Variants in SHOC2 observed in about 807,000 individuals in gnomAD.
SHOC2 encodes leucine-rich repeat protein SHOC-2.
In SHOC2, 4 loss-of-function variants were observed where a neutral mutation model predicts 50.2. The observed-to-expected ratio is 0.08, with a 90% CI of 0.04 to 0.18. SHOC2 has a LOEUF of 0.18. SHOC2 is among the 10% of genes least tolerant of loss of function. SHOC2 has a pLI of 1.00. For synonymous variants in SHOC2, 218 were observed against 244.5 expected (o/e 0.89, Z 1.01); for missense variants, 388 against 669.6 (o/e 0.58, Z 4.64).
chr10:111,011,322 T>A (rs1848562035), intron 8 of SHOC2, among the ~76,000 whole-genome samples: 1 of 152,180 alleles, frequency 6.6e-6, no homozygotes, highest in South Asian at 2.1e-4. Flanking sequence ...GGGGCATATG[T>A]ATTTTCAAAA....
chr10:111,010,276 G>A (rs945224505), intron 8 of SHOC2, among the ~76,000 whole-genome samples: 2 of 152,092 alleles, frequency 1.3e-5, no homozygotes, highest in Non-Finnish European at 2.9e-5. Flanking sequence ...ATTATTTTAT[G>A]TAATATACAT....
At chr10:110,945,328 C>T (rs1040882370) in intron 1 of SHOC2, among the ~76,000 whole-genome samples, 5 of 152,210 alleles carry the variant, frequency 3.3e-5, no homozygotes, top group Admixed American at 3.3e-4. Context: ...AGCTACAACT[C>T]TTGCTGCTTT....
intron 2 of SHOC2, among the ~76,000 whole-genome samples, chr10:110,979,666 G>A (rs1847937705): frequency 6.6e-6 from 1 of 152,068 alleles, no homozygotes; most frequent in Non-Finnish European, 1.5e-5. Flanking sequence ...CTTTCTCTTA[G>A]GACAAAAATG....
At chr10:110,986,364 C>A (rs1848076045) in intron 3 of SHOC2, among the ~76,000 whole-genome samples, 1 of 151,862 alleles carries the variant, frequency 6.6e-6, no homozygotes, top group Non-Finnish European at 1.5e-5. Context: ...AATTCTGATG[C>A]CTTTTTAGTT....
chr10:110,987,526 C>T (rs1848102288), intron 3 of SHOC2, among the ~76,000 whole-genome samples: 1 of 152,040 alleles, frequency 6.6e-6, no homozygotes, highest in Admixed American at 6.6e-5. Context: ...TTAGATGTCC[C>T]TCTGAAAGGC....
chr10:110,929,708 C>T (rs982020794), intron 1 of SHOC2, among the ~76,000 whole-genome samples: 1 of 152,152 alleles, frequency 6.6e-6, no homozygotes, highest in Non-Finnish European at 1.5e-5. Context: ...GCATTAATCC[C>T]ATTATGAAAA....
At position 111,012,345 on chromosome 10, in the gene SHOC2, C is replaced by G. The variant is rs896700397; in HGVS notation, c.*527C>G. The G allele has an allele frequency of 6.4e-6, 1 of 157,144 alleles. No individual in the cohort carries two copies. Among genetic ancestry groups the G allele is most frequent in the African/African-American group, 2.4e-5 (1 of 41,266 alleles). The allele number at this position is 157,144 out of a possible 1,614,324, so 9.7% of individuals were successfully genotyped here. A position where few individuals can be genotyped will look rare whatever the true frequency, so the allele number is the denominator to read the frequency against. On this transcript the variant is annotated 3_prime_UTR_variant, in exon 9 of 9. Transcript: ENST00000369452. ...TTTCTTTTGTTTGTTTTGATTTGCT[C>G]TGTTTTATTCAGTCAAATCTAGAGT...
At chr10:110,928,115 G>A (rs1326083510) in intron 1 of SHOC2, among the ~76,000 whole-genome samples, 1 of 152,126 alleles carries the variant, frequency 6.6e-6, no homozygotes, top group Non-Finnish European at 1.5e-5. Flanking sequence ...TCAGGAGTTA[G>A]AGAACAGCCT....
At chr10:111,008,037 C>G (rs1350892461) in intron 6 of SHOC2, among the ~76,000 whole-genome samples, 1 of 150,742 alleles carries the variant, frequency 6.6e-6, no homozygotes, top group Non-Finnish European at 1.5e-5. Flanking sequence ...CTTTTTCATC[C>G]TAATTACCGA....
chr10:110,925,093 TTA>T (rs1232275493), intron 1 of SHOC2, among the ~76,000 whole-genome samples: 2 of 104,168 alleles, frequency 1.9e-5, no homozygotes, highest in Admixed American at 1.8e-4. Flanking sequence ...AAAAAAAAAA[TTA>T]AAATAAAAAG....
chr10:110,982,534 T>G (rs1179693308), intron 2 of SHOC2, among the ~76,000 whole-genome samples: 3 of 152,114 alleles, frequency 2.0e-5, no homozygotes, highest in Admixed American at 1.3e-4. Flanking sequence ...CCTGACTTTT[T>G]AATGATTGCC....
intron 1 of SHOC2, among the ~76,000 whole-genome samples, chr10:110,933,489 A>G (rs1436409430): frequency 6.6e-6 from 1 of 152,210 alleles, no homozygotes; most frequent in Non-Finnish European, 1.5e-5. Context: ...CAAATAAACC[A>G]ATAGGACTAG....
intron 1 of SHOC2, among the ~76,000 whole-genome samples, chr10:110,924,474 C>T (rs911597837): frequency 1.3e-5 from 2 of 152,016 alleles, no homozygotes; most frequent in Admixed American, 1.3e-4. Flanking sequence ...TCCACTTGGG[C>T]AGTTAGAGAA....
chr10:110,949,758 G>T (rs1314955263), intron 1 of SHOC2, among the ~76,000 whole-genome samples: 4 of 152,166 alleles, frequency 2.6e-5, no homozygotes, highest in African/African-American at 7.2e-5. Flanking sequence ...TTTATCCCAG[G>T]GATGCAAGGA....
chr10:110,996,985 T>C (rs1848280169), intron 3 of SHOC2, among the ~76,000 whole-genome samples: 1 of 152,178 alleles, frequency 6.6e-6, no homozygotes, highest in African/African-American at 2.4e-5. Flanking sequence ...GAGTTAAGTA[T>C]CAGGAAACTA....
intron 2 of SHOC2, among the ~76,000 whole-genome samples, chr10:110,983,634 C>T (rs1848025297): frequency 6.6e-6 from 1 of 152,176 alleles, no homozygotes; most frequent in South Asian, 2.1e-4. Flanking sequence ...TTTTCGTCAT[C>T]TGAGACTGAA....
intron 2 of SHOC2, among the ~76,000 whole-genome samples, chr10:110,968,105 TTCTCTGC>T: frequency 6.6e-6 from 1 of 152,324 alleles, no homozygotes; most frequent in East Asian, 1.9e-4. Flanking sequence ...GGGTTCCAAT[TTCTCTGC>T]ATCCTCAGTA....
At chr10:111,006,527 C>T (rs912075192) in intron 5 of SHOC2, among the ~76,000 whole-genome samples, 7 of 152,076 alleles carry the variant, frequency 4.6e-5, no homozygotes, top group Non-Finnish European at 7.4e-5. Flanking sequence ...CCCGCCACTA[C>T]GCCCGGCTAA....
intron 8 of SHOC2, among the ~76,000 whole-genome samples, chr10:111,010,898 T>C (rs920570407): frequency 1.3e-5 from 2 of 152,206 alleles, no homozygotes; most frequent in African/African-American, 4.8e-5. Flanking sequence ...TTATTTCTGT[T>C]ATTTTCTAAT....
Sources: allele counts gnomAD v4.1 joint callset (sites outside exome capture counted in the v4.1 genomes callset), GRCh38; gene constraint gnomAD v4.1.1; transcripts MANE v1.5; gene names NCBI Gene and HGNC (gene_info 2026-07-23, HGNC 2026-07-21).